AGTPBP1: variants seen among roughly 807,000 people sequenced by gnomAD.
AGTPBP1 encodes the protein ATP/GTP binding carboxypeptidase 1.
Under a neutral mutation model 143.9 loss-of-function variants are expected in AGTPBP1, and 70 were observed. The ratio of observed to expected loss-of-function variants is 0.49; its 90% CI spans 0.40 to 0.59. The LOEUF (loss-of-function observed/expected upper bound fraction) is 0.59. Among genes scored for constraint, AGTPBP1 ranks in the 20% least tolerant of loss-of-function variants. The pLI, the probability that AGTPBP1 is intolerant of heterozygous loss-of-function variation, is 0.00. For missense variants in AGTPBP1, 1,229 were observed against 1,464.5 expected (o/e 0.84, Z 2.62); for synonymous variants, 463 against 500.2 (o/e 0.93, Z 0.99).
At chr9:85,664,342 G>C (rs1264094246) in intron 8 of AGTPBP1, among the ~76,000 whole-genome samples, 1 of 152,076 alleles carries the variant, frequency 6.6e-6, no homozygotes, top group Non-Finnish European at 1.5e-5. Flanking sequence ...CTTCAAAAAA[G>C]TATTTAAAAT....
At chr9:85,675,923 G>A (rs1834801791) in intron 6 of AGTPBP1, among the ~76,000 whole-genome samples, 1 of 152,148 alleles carries the variant, frequency 6.6e-6, no homozygotes, top group African/African-American at 2.4e-5. Context: ...TACTCGGGAG[G>A]CTGAGGCAGG....
At chr9:85,600,372 G>C (rs1168854465) in intron 17 of AGTPBP1, among the ~76,000 whole-genome samples, 1 of 152,046 alleles carries the variant, frequency 6.6e-6, no homozygotes, top group African/African-American at 2.4e-5. Context: ...GACAGAGGAG[G>C]GGCTTCAAGA....
At chr9:85,766,030 T>A in the AGTPBP1 span, among the ~76,000 whole-genome samples, 1 of 152,030 alleles carries the variant, frequency 6.6e-6, no homozygotes, top group East Asian at 1.9e-4. Flanking sequence ...GGTTATAGAT[T>A]TGAAGACATG....
rs956789027 is a variant in AGTPBP1, at chr9:85,633,089, T to A, written c.1588A>T (p.Ile530Phe). The A allele has an allele frequency of 6.2e-7, 1 of 1,614,222 alleles. No homozygotes were observed. Among genetic ancestry groups the A allele is most frequent in the South Asian group, 1.1e-5 (1 of 91,088 alleles). ...ISSVHGLNNDIVKALDRITLQ... is the reference protein window; with the variant it reads ...ISSVHGLNNDFVKALDRITLQ... ...GTAATTCGGTCCAAGGCCTTTACAA[T>A]ATCATTGTTTAAACCATGGACTGAT... Residue 530 changes from isoleucine to phenylalanine, a missense_variant, in exon 14 of 26, where the codon ATT (isoleucine) becomes TTT (phenylalanine). This residue lies in a region of AGTPBP1 where 743 missense variants were observed against 812.2 expected (regional missense o/e 0.91). Transcript: ENST00000357081.
Position 85,547,277 on chromosome 9 carries a change from A to G in AGTPBP1, c.3513T>C (p.Thr1171=), listed in dbSNP as rs1825787251. The change falls in exon 26 of 26, where the codon ACT becomes ACC. Residue 1171 remains threonine, a synonymous_variant. Coordinates refer to ENST00000357081, the MANE Select transcript of AGTPBP1 (RefSeq NM_001330701.2). ...GAGGTTCATCTTCATCCAAGACATA[A>G]GTGGTAGGGCTGCAGCCAAAACACA... ...ESSCKVTSPT[T]YVLDEDEPRF... 4 of 1,610,072 alleles carry G rather than the reference A, an allele frequency of 2.5e-6. No homozygotes were observed. In the South Asian group the frequency reaches 4.4e-5, roughly 18 times the overall value.
Position 85,633,236 on chromosome 9 carries a change from T to G in AGTPBP1, c.1441A>C (p.Ile481Leu). Residue 481 changes from isoleucine (I) to leucine (L), a missense_variant, in exon 14 of 26, where the codon ATA becomes CTA. Physicochemically the swap from Ile to Leu is conservative, Grantham distance 5. Transcript: ENST00000357081. Reference sequence around the variant, plus strand: ...TCACCTTCATCTCCTTTAGAAGATATGTTCTCCTTCATTACAACTTTTCTT... The same window carrying G: ...TCACCTTCATCTCCTTTAGAAGATAGGTTCTCCTTCATTACAACTTTTCTT... ...NLRKVVMKEN[I>L]SSKGDEGEKK... 6.2e-7 allele frequency: 1 copy of G among 1,614,012 alleles called. No homozygotes were observed. Among genetic ancestry groups the G allele is most frequent in the Non-Finnish European group, 8.5e-7 (1 of 1,179,990 alleles).
chr9:85,753,385 G>A, the AGTPBP1 span: 1 of 1,613,790 alleles, frequency 6.2e-7, no homozygotes, highest in African/African-American at 1.3e-5. Context: ...TTGAAAAGGA[G>A]AAAAGGTTCG....
chr9:85,595,834 C>T (rs1371228221), intron 18 of AGTPBP1, among the ~76,000 whole-genome samples: 2 of 152,154 alleles, frequency 1.3e-5, no homozygotes, highest in Non-Finnish European at 2.9e-5. Flanking sequence ...GCCTCTAGCA[C>T]TTATTTCTAA....
intron 17 of AGTPBP1, among the ~76,000 whole-genome samples, chr9:85,602,273 G>C (rs1019575987): frequency 6.6e-6 from 1 of 152,120 alleles, no homozygotes; most frequent in Admixed American, 6.5e-5. Context: ...CAGATGATAA[G>C]TGAGAAATTT....
In AGTPBP1 at chr9:85,712,490, G is replaced by T; in HGVS notation, c.32+12C>A. ...TGTAACTTATGCATACTGATATTCA[G>T]AATTACAGTACCTTTTTTCTGGTAT... On this transcript the variant is annotated intron_variant, in intron 2 of 25. Coordinates refer to ENST00000357081, the MANE Select transcript of AGTPBP1 (RefSeq NM_001330701.2). The T allele has an allele frequency of 1.4e-6, 2 of 1,453,046 alleles. No individual in the cohort carries two copies. Among genetic ancestry groups the T allele is most frequent in the Non-Finnish European group, 9.3e-7 (1 of 1,070,848 alleles). 90.0% of individuals were successfully genotyped at this position (1,453,046 alleles called of 1,614,324 possible). A position where few individuals can be genotyped will look rare whatever the true frequency, so the allele number is the denominator to read the frequency against.
intron 21 of AGTPBP1, among the ~76,000 whole-genome samples, chr9:85,587,223 A>G (rs1019090593): frequency 6.6e-6 from 1 of 152,210 alleles, no homozygotes; most frequent in Non-Finnish European, 1.5e-5. Context: ...AAAATTTTCA[A>G]AGTATAGAAA....
At chr9:85,551,618 G>A (rs1041922901) in intron 25 of AGTPBP1, among the ~76,000 whole-genome samples, 1 of 152,148 alleles carries the variant, frequency 6.6e-6, no homozygotes, top group African/African-American at 2.4e-5. Flanking sequence ...TGAGGTTGAC[G>A]AGATCCTCAG....
intron 2 of AGTPBP1, 64 bp from the exon 3 acceptor site, chr9:85,692,877 G>A (rs62569244): frequency 0.02 from 31,325 of 1,543,290 alleles, 375 homozygotes; most frequent in Middle Eastern, 0.03. Context: ...ATACTATAAC[G>A]ATCACTGTTT....
the AGTPBP1 span, among the ~76,000 whole-genome samples, chr9:85,767,798 A>G: frequency 6.6e-6 from 1 of 152,210 alleles, no homozygotes; most frequent in East Asian, 1.9e-4. Flanking sequence ...CATATAATTT[A>G]TAGGGAAATC....
rs756760270 is a variant in AGTPBP1, at chr9:85,646,388, T to C, written c.1118A>G (p.Asn373Ser). The change falls in exon 12 of 26, where the codon AAC (asparagine) becomes AGC (serine). Residue 373 changes from asparagine (N) to serine (S), a missense_variant. Coordinates refer to ENST00000357081, the MANE Select transcript of AGTPBP1 (RefSeq NM_001330701.2). ...VDDVVDESDD[N>S]DDIDVEAENE... ...TTCAGCTTCTACATCAATATCATCG[T>C]TGTCATCACTTTCATCTACTACGTC... is the stretch of plus-strand genomic sequence containing the variant. The C allele has an allele frequency of 6.2e-7, 1 of 1,613,018 alleles. No homozygotes were observed. Among genetic ancestry groups the C allele is most frequent in the Admixed American group, 1.7e-5 (1 of 60,002 alleles).
At chr9:85,641,212 T>C (rs1049706756) in intron 13 of AGTPBP1, among the ~76,000 whole-genome samples, 25 of 152,308 alleles carry the variant, frequency 1.6e-4, no homozygotes, top group African/African-American at 2.9e-4. Flanking sequence ...ATTTCTCATA[T>C]GTACAGAAAA....
intron 10 of AGTPBP1, 100 bp from the exon 11 acceptor site, chr9:85,655,420 GAAAC>G: frequency 9.9e-7 from 1 of 1,012,592 alleles, no homozygotes; most frequent in Non-Finnish European, 1.4e-6. Context: ...TAATTTTCTA[GAAAC>G]AAATATCTCA....
chr9:85,804,439 C>A, the AGTPBP1 span, among the ~76,000 whole-genome samples: 3 of 152,156 alleles, frequency 2.0e-5, no homozygotes, highest in Non-Finnish European at 4.4e-5. Context: ...TCTTTGATTC[C>A]CGGCAGTACT....
intron 25 of AGTPBP1, among the ~76,000 whole-genome samples, chr9:85,549,307 C>T (rs1825903123): frequency 6.6e-6 from 1 of 152,122 alleles, no homozygotes; most frequent in Admixed American, 6.5e-5. Context: ...TACAGATAGA[C>T]AAGAAGTGGC....
Sources: allele counts gnomAD v4.1 joint callset (sites outside exome capture counted in the v4.1 genomes callset), GRCh38; gene constraint gnomAD v4.1.1; regional missense constraint gnomAD v4.1.1; transcripts MANE v1.5; gene names NCBI Gene and HGNC (gene_info 2026-07-23, HGNC 2026-07-21).